The following HPSE2 variants were observed in gnomAD, a reference collection of about 807,000 sequenced individuals.
HPSE2 encodes the protein inactive heparanase-2.
Under a neutral mutation model 60.5 loss-of-function variants are expected in HPSE2, and 38 were observed. That is an observed-to-expected ratio of 0.63 (90% CI 0.48 to 0.82). HPSE2 has a LOEUF of 0.82. Ranked by LOEUF, HPSE2 falls within the 40% of genes least tolerant of loss-of-function variation. The pLI is 0.00. For synonymous variants in HPSE2, 295 were observed against 293.2 expected (o/e 1.01, Z -0.06); for missense variants, 713 against 740.4 (o/e 0.96, Z 0.43).
intron 9 of HPSE2, among the ~76,000 whole-genome samples, chr10:98,565,349 C>T (rs183421997): frequency 2.7e-5 from 4 of 148,768 alleles, no homozygotes; most frequent in South Asian, 4.2e-4. Context: ...TGACAGGGCC[C>T]GGAGTGTGTT....
intron 3 of HPSE2, among the ~76,000 whole-genome samples, chr10:98,760,194 T>C (rs1339830773): frequency 1.3e-5 from 2 of 152,068 alleles, no homozygotes; most frequent in African/African-American, 4.8e-5. Context: ...GTATTTAGGG[T>C]TTTCCCTATA....
intron 9 of HPSE2, among the ~76,000 whole-genome samples, chr10:98,537,020 CA>C (rs1179506263): frequency 6.6e-6 from 1 of 152,132 alleles, no homozygotes; most frequent in Non-Finnish European, 1.5e-5. Context: ...TGTTAACATA[CA>C]CTGTGTTTTA....
intron 11 of HPSE2, among the ~76,000 whole-genome samples, chr10:98,466,031 T>TA (rs955185529): frequency 1.3e-5 from 2 of 152,170 alleles, no homozygotes; most frequent in Admixed American, 1.3e-4. Context: ...ACTCCCCCGC[T>TA]ACCCTCCGCC....
At chr10:99,068,492 C>T (rs912985298) in intron 3 of HPSE2, among the ~76,000 whole-genome samples, 1 of 152,168 alleles carries the variant, frequency 6.6e-6, no homozygotes, top group Non-Finnish European at 1.5e-5. Context: ...GCCATCAGAT[C>T]TTGTGAGACT....
At chr10:98,650,647 T>C (rs1263461278) in intron 6 of HPSE2, among the ~76,000 whole-genome samples, 1 of 152,202 alleles carries the variant, frequency 6.6e-6, no homozygotes, top group Non-Finnish European at 1.5e-5. Flanking sequence ...TTTTTCTATA[T>C]TTAGACATAC....
chr10:99,238,060 C>T (rs986398838), upstream of HPSE2, among the ~76,000 whole-genome samples: 2 of 152,124 alleles, frequency 1.3e-5, no homozygotes, highest in Non-Finnish European at 2.9e-5. Flanking sequence ...TAACATTTTC[C>T]TGGCCATCTC....
intron 2 of HPSE2, among the ~76,000 whole-genome samples, chr10:99,168,965 C>T (rs1224290592): frequency 2.6e-5 from 4 of 152,018 alleles, no homozygotes; most frequent in East Asian, 1.9e-4. Context: ...GAGGCCAAGG[C>T]GGGTGGATCA....
intron 9 of HPSE2, among the ~76,000 whole-genome samples, chr10:98,587,628 C>T (rs1199337807): frequency 6.6e-6 from 1 of 152,132 alleles, no homozygotes; most frequent in East Asian, 1.9e-4. Flanking sequence ...TACAATTCCT[C>T]CTCTTCTGAG....
the HPSE2 span, among the ~76,000 whole-genome samples, chr10:99,299,279 A>G: frequency 6.6e-6 from 1 of 152,150 alleles, no homozygotes; most frequent in African/African-American, 2.4e-5. Context: ...CCGGACCAGT[A>G]CTACTAGGAG....
At chr10:98,615,094 C>A (rs1589512418) in intron 8 of HPSE2, 76 bp from the exon 9 acceptor site, 1 of 1,026,256 alleles carries the variant, frequency 9.7e-7, no homozygotes, top group Non-Finnish European at 1.5e-6. Flanking sequence ...AGACTGGCTA[C>A]TATATACACA....
At chr10:98,829,287 TG>T in intron 3 of HPSE2, among the ~76,000 whole-genome samples, 1 of 152,122 alleles carries the variant, frequency 6.6e-6, no homozygotes, top group East Asian at 1.9e-4. Flanking sequence ...CCCAGCACTT[TG>T]GGAGGCCGAG....
chr10:99,056,562 C>T (rs1295841790), intron 3 of HPSE2, among the ~76,000 whole-genome samples: 1 of 152,090 alleles, frequency 6.6e-6, no homozygotes, highest in Non-Finnish European at 1.5e-5. Flanking sequence ...GTGGTCTTTT[C>T]AACAAATGTT....
chr10:99,048,019 G>C (rs1957898116), intron 3 of HPSE2: 1 of 689,292 alleles, frequency 1.5e-6, no homozygotes, highest in Non-Finnish European at 2.6e-6. Context: ...AGCTCAACAA[G>C]GCTGCAATTA....
intron 6 of HPSE2, among the ~76,000 whole-genome samples, chr10:98,667,401 G>A (rs1218035318): frequency 1.3e-5 from 2 of 152,134 alleles, no homozygotes; most frequent in Admixed American, 1.3e-4. Flanking sequence ...AATAAAGGCG[G>A]AGGATCTCCT....
chr10:98,823,840 A>C (rs1951479915), intron 3 of HPSE2, among the ~76,000 whole-genome samples: 1 of 152,180 alleles, frequency 6.6e-6, no homozygotes. Context: ...AACTGTCAAT[A>C]AGATAATATA....
intron 3 of HPSE2, among the ~76,000 whole-genome samples, chr10:99,047,315 A>G (rs923305089): frequency 1.3e-5 from 2 of 152,214 alleles, no homozygotes; most frequent in African/African-American, 4.8e-5. Flanking sequence ...ATATACAAAA[A>G]TTAACCTAAG....
At chr10:98,523,703 G>A (rs1032570232) in intron 9 of HPSE2, among the ~76,000 whole-genome samples, 10 of 152,294 alleles carry the variant, frequency 6.6e-5, no homozygotes, top group South Asian at 6.2e-4. Flanking sequence ...TTAAGGGCCA[G>A]TAGTTGTTTT....
At chr10:98,798,550 T>G (rs1950832660) in intron 3 of HPSE2, among the ~76,000 whole-genome samples, 1 of 152,100 alleles carries the variant, frequency 6.6e-6, no homozygotes, top group African/African-American at 2.4e-5. Flanking sequence ...CAGTAAGACA[T>G]AAAGAGAAAC....
At chr10:98,750,621 A>C (rs140339131) in intron 3 of HPSE2, among the ~76,000 whole-genome samples, 1 of 152,288 alleles carries the variant, frequency 6.6e-6, no homozygotes, top group African/African-American at 2.4e-5. Flanking sequence ...TTGAGCCAGT[A>C]AGATTTGCTG....
Sources: allele counts gnomAD v4.1 joint callset (sites outside exome capture counted in the v4.1 genomes callset), GRCh38; gene constraint gnomAD v4.1.1; transcripts MANE v1.5; gene names NCBI Gene and HGNC (gene_info 2026-07-23, HGNC 2026-07-21).